Variants in VWF observed in about 807,000 individuals in gnomAD.
VWF encodes von Willebrand factor, also known as Factor VIII related antigen.
VWF carries 176 observed loss-of-function variants against 308.6 expected under a neutral mutation model. That is an observed-to-expected ratio of 0.57 (90% CI 0.50 to 0.65). The LOEUF (loss-of-function observed/expected upper bound fraction) is 0.65. VWF is among the 30% of genes least tolerant of loss of function. VWF has a pLI of 0.00. For synonymous variants in VWF, 1,385 were observed against 1,443.4 expected (o/e 0.96, Z 0.92); for missense variants, 3,146 against 3,648.2 (o/e 0.86, Z 3.55).
At chr12:5,988,082 C>T (rs1270171562) in intron 38 of VWF, among the ~76,000 whole-genome samples, 1 of 152,152 alleles carries the variant, frequency 6.6e-6, no homozygotes, top group African/African-American at 2.4e-5. Flanking sequence ...GAGAGTCTCA[C>T]AAGGGTGCAC....
intron 47 of VWF, among the ~76,000 whole-genome samples, chr12:5,958,464 G>T (rs1943274710): frequency 6.6e-6 from 1 of 152,200 alleles, no homozygotes; most frequent in South Asian, 2.1e-4. Flanking sequence ...CAGATAGGAA[G>T]ATCGCTTGAG....
rs1453938588 is a variant in VWF at position 6,025,895 on chromosome 12, C to CCCA, written c.3108+8_3108+10dup. On this transcript the variant is annotated intron_variant, in intron 23 of 51. Coordinates refer to ENST00000261405, the MANE Select transcript of VWF (RefSeq NM_000552.5). The stretch of plus-strand genomic sequence containing the variant: ...CTCTAGGGCTCTGTCCACACAGAGA[C>CCCA]CCAGACGTACTTTTCTGGTGTCAGC... 1.2e-6 allele frequency: 2 copies of CCCA among 1,613,792 alleles called. No homozygotes were observed. The highest frequency in any genetic ancestry group is 2.7e-5 in the African/African-American group (2 of 74,890).
intron 38 of VWF, 59 bp downstream of exon 38, chr12:5,991,760 C>T: frequency 6.4e-7 from 1 of 1,571,030 alleles, no homozygotes; most frequent in Non-Finnish European, 8.7e-7. Flanking sequence ...GTGAACATAT[C>T]TCCCTTTTGA....
intron 5 of VWF, among the ~76,000 whole-genome samples, chr12:6,108,332 T>C (rs555399648): frequency 0.01 from 505 of 49,060 alleles, 4 homozygotes; most frequent in African/African-American, 0.026. Flanking sequence ...GAAAGAAATA[T>C]ATACACACAC....
In VWF at chr12:5,967,920, G is replaced by A. The variant is rs184530594; in HGVS notation, c.7770+207C>T. Among the ~76,000 whole-genome samples, 13 of 152,328 alleles carry A rather than the reference G, an allele frequency of 8.5e-5. No homozygotes were observed. In the East Asian group the frequency reaches 2.1e-3, roughly 25 times the overall value. ...GTGCCTGAGGTGGGGGCCAGGAAGT[G>A]AGTGTGAGACAGGCCCGGAGAGTCA... is the stretch of plus-strand genomic sequence containing the variant. On this transcript the variant is annotated intron_variant, in intron 46 of 51. Transcript: ENST00000261405.
chr12:5,959,558 A>T (rs916732308), intron 47 of VWF, among the ~76,000 whole-genome samples: 1 of 152,196 alleles, frequency 6.6e-6, no homozygotes, highest in African/African-American at 2.4e-5. Flanking sequence ...ACAAAGACAG[A>T]CCAAATTGTG....
chr12:6,006,576 G>A (rs544535114), intron 34 of VWF, among the ~76,000 whole-genome samples: 2 of 152,204 alleles, frequency 1.3e-5, no homozygotes, highest in African/African-American at 2.4e-5. Context: ...TCAGGAGATC[G>A]AGACCATCCT....
At chr12:6,018,063 T>A (rs78901927) in intron 28 of VWF, among the ~76,000 whole-genome samples, 4 of 131,748 alleles carry the variant, frequency 3.0e-5, no homozygotes, top group African/African-American at 8.4e-5. Context: ...GACTTGCATT[T>A]TTTTTTTTTT....
intron 11 of VWF, 36 bp from the exon 12 acceptor site, chr12:6,064,420 C>T: frequency 1.2e-6 from 2 of 1,612,694 alleles, no homozygotes; most frequent in Non-Finnish European, 1.7e-6. Flanking sequence ...TTTGCTGCAC[C>T]CCCTGCCTAT....
intron 3 of VWF, among the ~76,000 whole-genome samples, chr12:6,116,442 C>T (rs1029244242): frequency 8.5e-5 from 13 of 152,236 alleles, no homozygotes; most frequent in African/African-American, 3.1e-4. Context: ...AAACACTCTA[C>T]CTTCTATGCC....
At chr12:6,090,865 C>T (rs972378666) in intron 6 of VWF, among the ~76,000 whole-genome samples, 1 of 152,182 alleles carries the variant, frequency 6.6e-6, no homozygotes, top group Non-Finnish European at 1.5e-5. Flanking sequence ...CACGCCGAGG[C>T]CCAGGGTGAG....
intron 5 of VWF, among the ~76,000 whole-genome samples, chr12:6,105,974 T>C (rs1051564777): frequency 3.3e-5 from 5 of 151,034 alleles, no homozygotes; most frequent in African/African-American, 1.2e-4. Context: ...ACCCGGGAGG[T>C]GGAGGTTGCA....
chr12:5,964,234 A>ACATACATGCATGCATGCATG (rs1555189784), intron 47 of VWF, among the ~76,000 whole-genome samples: 1 of 144,112 alleles, frequency 6.9e-6, no homozygotes, highest in African/African-American at 2.9e-5. Context: ...ATACATACAT[A>ACATACATGCATGCATGCATG]CATACATACA....
At chr12:5,971,967 A>G (rs1262377549) in intron 43 of VWF, among the ~76,000 whole-genome samples, 2 of 152,228 alleles carry the variant, frequency 1.3e-5, no homozygotes, top group African/African-American at 4.8e-5. Flanking sequence ...ACCATGATCC[A>G]GTCCATAGGA....
Position 6,075,587 on chromosome 12 carries a change from G to T in VWF, c.658-36C>A. On this transcript the variant is annotated intron_variant, in intron 6 of 51. Transcript: ENST00000261405. This position sits in a 1 kb window ranked among gnomAD's most constrained non-coding sequence, Gnocchi z 4.7. ...AGGGGCCGCCTCAGCGGTATGCTCC[G>T]TTAGTGTCTCCCTGAGTGTGGCACT... 1 of 1,593,616 alleles carries T rather than the reference G, an allele frequency of 6.3e-7. No homozygotes were observed. Among genetic ancestry groups the T allele is most frequent in the South Asian group, 1.1e-5 (1 of 88,716 alleles).
chr12:6,031,698 A>G (rs1944265661), intron 20 of VWF, 120 bp from the exon 21 acceptor site: 1 of 1,459,466 alleles, frequency 6.9e-7, no homozygotes, highest in Non-Finnish European at 9.4e-7. Flanking sequence ...TGCCACGTCC[A>G]TGGCTGCGCA....
chr12:6,055,377 G>C (rs2136452446), intron 15 of VWF, among the ~76,000 whole-genome samples: 1 of 152,284 alleles, frequency 6.6e-6, no homozygotes, highest in East Asian at 1.9e-4. Flanking sequence ...TGCTAAGGAA[G>C]AAACTGAAGT....
At chr12:5,949,266 C>A (rs1257760099) in intron 51 of VWF, 63 bp from the exon 52 acceptor site, 7 of 1,564,114 alleles carry the variant, frequency 4.5e-6, no homozygotes, top group Non-Finnish European at 6.1e-6. Context: ...TTAGGCAGGG[C>A]TCTGGGGCAG....
At chr12:6,092,626 T>TGAGAGTGAGAGAGAGAGAGAGAGA (rs1242670462) in intron 6 of VWF, among the ~76,000 whole-genome samples, 14 of 83,488 alleles carry the variant, frequency 1.7e-4, no homozygotes, top group Middle Eastern at 5.0e-3. Flanking sequence ...AGAGTGTGTG[T>TGAGAGTGAGAGAGAGAGAGAGAGA]GTGTGTGTGT....
Sources: gnomAD v4.1 joint callset for allele counts (sites outside exome capture counted in the v4.1 genomes callset) on GRCh38, gnomAD v4.1.1 for gene constraint, Gnocchi (gnomAD v3.1) non-coding constraint, MANE v1.5 for transcripts, NCBI Gene and HGNC (gene_info 2026-07-23, HGNC 2026-07-21) for gene names.